Variants in SLIT2 observed in about 807,000 individuals in gnomAD.
The protein encoded by SLIT2 is slit guidance ligand 2, also known as slit homolog 2 protein.
In SLIT2, 41 loss-of-function variants were observed where a neutral mutation model predicts 185.7. The observed-to-expected ratio is 0.22, with a 90% confidence interval of 0.17 to 0.29. The LOEUF is 0.29. SLIT2 is among the 10% of genes least tolerant of loss of function. The probability of loss-of-function intolerance (pLI) is 1.00; values close to 1 mark genes in which losing one functional copy is unlikely to be tolerated. For synonymous variants in SLIT2, 693 were observed against 680.2 expected (o/e 1.02, Z -0.29); for missense variants, 1,571 against 1,909.0 (o/e 0.82, Z 3.30).
intron 4 of SLIT2, among the ~76,000 whole-genome samples, chr4:20,334,414 C>T (rs562617964): frequency 6.6e-6 from 1 of 152,222 alleles, no homozygotes; most frequent in South Asian, 2.1e-4. Context: ...GAACTGAAAT[C>T]CTTCTTACCC....
intron 5 of SLIT2, among the ~76,000 whole-genome samples, chr4:20,472,306 C>CTATATATCTATATATA (rs1560453013): frequency 5.7e-5 from 1 of 17,516 alleles, no homozygotes; most frequent in Non-Finnish European, 8.6e-5. Flanking sequence ...ATATATAGAT[C>CTATATATCTATATATA]TATATATAGA....
intron 29 of SLIT2, among the ~76,000 whole-genome samples, chr4:20,571,080 G>T (rs1577947691): frequency 6.6e-6 from 1 of 151,952 alleles, no homozygotes. Context: ...AACTATGTCA[G>T]ATCTCTTTCT....
intron 4 of SLIT2, among the ~76,000 whole-genome samples, chr4:20,414,789 T>C (rs1727526723): frequency 6.6e-6 from 1 of 152,178 alleles, no homozygotes; most frequent in Admixed American, 6.5e-5. Flanking sequence ...TTCTTACTGC[T>C]TTCAAGAGCC....
At chr4:20,456,545 A>ATGTC (rs1344026871) in intron 4 of SLIT2, among the ~76,000 whole-genome samples, 3 of 152,030 alleles carry the variant, frequency 2.0e-5, no homozygotes, top group Non-Finnish European at 4.4e-5. Context: ...TCCTGGGTTG[A>ATGTC]TGTCTGCTCT....
chr4:20,578,100 C>T (rs1726223299), intron 29 of SLIT2, among the ~76,000 whole-genome samples: 1 of 152,180 alleles, frequency 6.6e-6, no homozygotes, highest in Non-Finnish European at 1.5e-5. Flanking sequence ...TGCTTCCTTA[C>T]ATTGTTCTTT....
intron 32 of SLIT2, among the ~76,000 whole-genome samples, 190 bp from the exon 33 acceptor site, chr4:20,598,075 G>T (rs1176873117): frequency 1.3e-5 from 2 of 152,118 alleles, no homozygotes; most frequent in East Asian, 3.9e-4. Flanking sequence ...TTTCTTCATG[G>T]ATTTATTTGC....
intron 4 of SLIT2, among the ~76,000 whole-genome samples, chr4:20,407,664 A>G (rs867739723): frequency 6.6e-5 from 10 of 152,228 alleles, no homozygotes; most frequent in Middle Eastern, 6.3e-3. Flanking sequence ...GCCAAGGGAT[A>G]TAATGTGAAA....
chr4:20,254,547 C>T lies in SLIT2; in HGVS notation c.179+553C>T, dbSNP rs1577325959. ...GCCTGGGGGTGCTTCTCACAGGTCG[C>T]GGGGAGAAGGGTGCCCCAGGACGGC... On this transcript the variant is annotated intron_variant, in intron 1 of 36. Transcript: ENST00000504154. The surrounding 1 kb of genome is among the most constrained non-coding windows in gnomAD (Gnocchi z 5.1). Among the ~76,000 whole-genome samples the T allele has an allele frequency of 6.6e-6, 1 of 152,082 alleles. No individual in the cohort carries two copies. The highest frequency in any genetic ancestry group is 1.5e-5 in the Non-Finnish European group (1 of 68,016).
chr4:20,578,839 G>A (rs925840670), intron 29 of SLIT2, among the ~76,000 whole-genome samples: 1 of 152,142 alleles, frequency 6.6e-6, no homozygotes, highest in Non-Finnish European at 1.5e-5. Flanking sequence ...ATTTTTAACA[G>A]TGATTTGAGT....
intron 5 of SLIT2, among the ~76,000 whole-genome samples, chr4:20,469,137 CT>C (rs1358365702): frequency 6.6e-6 from 1 of 152,104 alleles, no homozygotes; most frequent in East Asian, 1.9e-4. Context: ...TTCAAGAAGT[CT>C]TCAGGTAGAC....
intron 3 of SLIT2, among the ~76,000 whole-genome samples, chr4:20,262,142 T>C (rs776485211): frequency 1.4e-4 from 22 of 151,834 alleles, no homozygotes; most frequent in Non-Finnish European, 2.9e-4. Context: ...ATTAGAAAAG[T>C]CTAAGTCCCT....
At chr4:20,481,581 C>A (rs1380596831) in intron 6 of SLIT2, among the ~76,000 whole-genome samples, 1 of 151,926 alleles carries the variant, frequency 6.6e-6, no homozygotes, top group African/African-American at 2.4e-5. Context: ...TTTATTTCAT[C>A]CTTGAGAAAA....
chr4:20,616,943 G>A lies in SLIT2; in HGVS notation c.3881G>A (p.Arg1294His), dbSNP rs759513879. ...GGGAAGAGTAACGTGGCATCTCTGC[G>A]CCAGGCCCCTGGGCAGAACGGAACC... is the stretch of plus-strand genomic sequence containing the variant. ...MPGKSNVASL[R>H]QAPGQNGTSF... is the part of the protein sequence containing the mutation. The change falls in exon 35 of 37, where the codon CGC becomes CAC. Residue 1294 changes from arginine (R) to histidine (H), a missense_variant. By Grantham distance (29) the Arg-to-His change is conservative. Transcript: ENST00000504154. 61 of 1,608,848 alleles carry A rather than the reference G, an allele frequency of 3.8e-5. No homozygotes were observed. The highest frequency in any genetic ancestry group is 2.9e-4 in the South Asian group (26 of 90,956).
chr4:20,370,212 G>A (rs1321834294), intron 4 of SLIT2, among the ~76,000 whole-genome samples: 1 of 151,962 alleles, frequency 6.6e-6, no homozygotes. Context: ...TGCTTGATGT[G>A]TGAAAGGGAG....
intron 4 of SLIT2, among the ~76,000 whole-genome samples, chr4:20,466,613 T>G (rs1714384622): frequency 6.6e-6 from 1 of 151,726 alleles, no homozygotes; most frequent in Non-Finnish European, 1.5e-5. Context: ...TATCTGCCGG[T>G]TCTCTCTCTC....
intron 29 of SLIT2, among the ~76,000 whole-genome samples, chr4:20,575,442 G>A (rs546864256): frequency 4.9e-4 from 75 of 152,268 alleles, no homozygotes; most frequent in African/African-American, 1.8e-3. Context: ...TGCAGTTTAT[G>A]TGAACAACAC....
rs200714780 is a variant in SLIT2 at position 20,595,684 on chromosome 4, C to T, written c.3183-13C>T. ...CAGTTGGGTTTGAAACCATTACCTG[C>T]TTGTTCCAACAGATGTGACTGCACA... On this transcript the variant is annotated splice_polypyrimidine_tract_variant and intron_variant, in intron 30 of 36. Coordinates refer to ENST00000504154, the MANE Select transcript of SLIT2 (RefSeq NM_004787.4). The T allele has an allele frequency of 1.7e-5, 28 of 1,612,718 alleles. No individual in the cohort carries two copies. In the African/African-American group the frequency reaches 2.8e-4, roughly 16 times the overall value.
At chr4:20,413,619 C>G (rs10011395) in intron 4 of SLIT2, among the ~76,000 whole-genome samples, 32,362 of 151,790 alleles carry the variant, frequency 0.21, 3,740 homozygotes, top group Non-Finnish European at 0.27. Flanking sequence ...TTTTGGAGCT[C>G]TGTTTTTACG....
chr4:20,272,506 T>A (rs551083064), intron 4 of SLIT2, among the ~76,000 whole-genome samples: 6 of 152,116 alleles, frequency 3.9e-5, no homozygotes, highest in Non-Finnish European at 5.9e-5. Context: ...TCCTGATAAG[T>A]GTAACCTTAA....
Sources: allele counts gnomAD v4.1 joint callset (sites outside exome capture counted in the v4.1 genomes callset), GRCh38; gene constraint gnomAD v4.1.1; non-coding constraint Gnocchi (gnomAD v3.1); transcripts MANE v1.5; gene names NCBI Gene and HGNC (gene_info 2026-07-23, HGNC 2026-07-21).